The following SCAI variants were observed in gnomAD, a reference collection of about 807,000 sequenced individuals.
The protein encoded by SCAI is suppressor of cancer cell invasion.
A neutral mutation model predicts 92.2 loss-of-function variants in SCAI; 24 were observed. That is an observed-to-expected ratio of 0.26 (90% CI 0.19 to 0.37). The LOEUF is 0.37. SCAI is among the 10% of genes least tolerant of loss of function. SCAI has a pLI of 1.00. For synonymous variants in SCAI, 261 were observed against 258.6 expected (o/e 1.01, Z -0.09); for missense variants, 450 against 736.2 (o/e 0.61, Z 4.50).
chr9:125,014,280 C>A (rs1324068240), intron 9 of SCAI, among the ~76,000 whole-genome samples: 1 of 152,058 alleles, frequency 6.6e-6, no homozygotes, highest in Non-Finnish European at 1.5e-5. Flanking sequence ...TCTAGAAAAC[C>A]CCATTGTCTC....
intron 13 of SCAI, 98 bp from the exon 14 acceptor site, chr9:124,995,113 G>T: frequency 1.3e-6 from 1 of 791,504 alleles, no homozygotes; most frequent in Non-Finnish European, 2.0e-6. Context: ...TTGCATCATA[G>T]CACTGAGAGA....
intron 17 of SCAI, among the ~76,000 whole-genome samples, chr9:124,955,841 C>T (rs1340090098): frequency 4.6e-5 from 7 of 152,126 alleles, no homozygotes; most frequent in African/African-American, 9.7e-5. Context: ...AGATAAATGC[C>T]TTTCAAGGCA....
intron 17 of SCAI, among the ~76,000 whole-genome samples, chr9:124,957,344 GA>G (rs1439057455): frequency 6.6e-6 from 1 of 151,842 alleles, no homozygotes; most frequent in Non-Finnish European, 1.5e-5. Context: ...ACAAGCAACT[GA>G]AAAATGAAAT....
chr9:124,962,732 A>AC (rs1339677692), intron 17 of SCAI, among the ~76,000 whole-genome samples: 1 of 152,140 alleles, frequency 6.6e-6, no homozygotes, highest in African/African-American at 2.4e-5. Context: ...CTTACAGATA[A>AC]CATAAACAGT....
At chr9:125,002,488 G>GTTTTTTTTTTTTTTTTTTTTTTTTTTTT (rs58586769) in intron 11 of SCAI, among the ~76,000 whole-genome samples, 1 of 125,104 alleles carries the variant, frequency 8.0e-6, no homozygotes, top group Admixed American at 8.8e-5. Flanking sequence ...TTTTTAGTCT[G>GTTTTTTTTTTTTTTTTTTTTTTTTTTTT]TTTTTTTTTT....
intron 9 of SCAI, among the ~76,000 whole-genome samples, chr9:125,010,515 A>AGCC (rs1832613666): frequency 6.6e-6 from 1 of 152,238 alleles, no homozygotes; most frequent in Non-Finnish European, 1.5e-5. Context: ...GCTTAGGTAA[A>AGCC]CAAAGCAGCC....
intron 2 of SCAI, among the ~76,000 whole-genome samples, chr9:125,079,326 G>A (rs1461240951): frequency 6.6e-6 from 1 of 151,964 alleles, no homozygotes; most frequent in Non-Finnish European, 1.5e-5. Flanking sequence ...TATATCTTTG[G>A]TTAAATCAAT....
chr9:125,118,839 T>C (rs891690064), intron 2 of SCAI, among the ~76,000 whole-genome samples: 8 of 152,222 alleles, frequency 5.3e-5, no homozygotes, highest in Admixed American at 3.3e-4. Flanking sequence ...CTGAGGATGA[T>C]GGCTTCCAGC....
intron 9 of SCAI, among the ~76,000 whole-genome samples, chr9:125,015,979 A>G (rs1357571323): frequency 2.2e-5 from 3 of 137,036 alleles, no homozygotes; most frequent in African/African-American, 5.5e-5. Flanking sequence ...GAACTGAACA[A>G]TGAGAACACA....
intron 3 of SCAI, among the ~76,000 whole-genome samples, chr9:125,032,192 T>C (rs1234161262): frequency 1.3e-5 from 1 of 74,822 alleles, no homozygotes; most frequent in Admixed American, 1.3e-4. Flanking sequence ...TATATATATA[T>C]ATATTTTTTT....
At chr9:124,972,979 A>T (rs1831689048) in intron 15 of SCAI, among the ~76,000 whole-genome samples, 1 of 152,214 alleles carries the variant, frequency 6.6e-6, no homozygotes, top group Admixed American at 6.5e-5. Context: ...CAAGTTGAGT[A>T]TCCCTTATCC....
At chr9:125,101,125 G>A (rs1211461125) in intron 2 of SCAI, among the ~76,000 whole-genome samples, 4 of 152,182 alleles carry the variant, frequency 2.6e-5, no homozygotes. Context: ...TTGATGAGGA[G>A]GGGAAGAGGT....
At chr9:125,056,144 T>G in intron 2 of SCAI, 137 bp from the exon 3 acceptor site, 1 of 667,182 alleles carries the variant, frequency 1.5e-6, no homozygotes, top group Non-Finnish European at 2.4e-6. Context: ...CACAAAAATA[T>G]AATTTAAGTG....
In SCAI at chr9:125,092,145, A is replaced by T. The variant is rs1292333983; in HGVS notation, c.99-36138T>A. Among the ~76,000 whole-genome samples, 43 of 85,548 alleles carry T rather than the reference A, an allele frequency of 5.0e-4. 1 individual carries two copies. Among genetic ancestry groups the T allele is most frequent in the African/African-American group, 2.5e-3 (38 of 15,138 alleles). The allele number at this position is 85,548 out of a possible 152,430, so 56.1% of individuals were successfully genotyped here. On this transcript the variant is annotated intron_variant, in intron 2 of 17. Transcript: ENST00000336505. ...ACTCCGTCTCTTAAAAAAAAAAAAA[A>T]AAAAAAAAAAAAAAAAAAAAAAATC...
chr9:124,990,189 A>C (rs1165080312), intron 14 of SCAI, among the ~76,000 whole-genome samples: 2 of 151,972 alleles, frequency 1.3e-5, no homozygotes, highest in Non-Finnish European at 2.9e-5. Flanking sequence ...AAGAAAAAAA[A>C]AGAAATACTG....
chr9:124,955,620 CA>C (rs1328672827), intron 17 of SCAI, among the ~76,000 whole-genome samples: 1 of 140,256 alleles, frequency 7.1e-6, no homozygotes, highest in Admixed American at 7.3e-5. Context: ...GACTCTGTCT[CA>C]AAAAAAATTT....
intron 2 of SCAI, among the ~76,000 whole-genome samples, chr9:125,062,836 A>AT (rs1022401007): frequency 6.6e-6 from 1 of 150,478 alleles, no homozygotes; most frequent in Non-Finnish European, 1.5e-5. Flanking sequence ...CCTGGCCAAC[A>AT]TGGTGAAACC....
intron 17 of SCAI, among the ~76,000 whole-genome samples, chr9:124,961,972 C>G (rs552629835): frequency 2.7e-5 from 4 of 150,744 alleles, no homozygotes; most frequent in African/African-American, 9.8e-5. Context: ...GGGAACTTGT[C>G]TGCTGCCTCT....
intron 2 of SCAI, among the ~76,000 whole-genome samples, chr9:125,072,604 T>C (rs192743392): frequency 2.0e-5 from 3 of 152,264 alleles, no homozygotes; most frequent in Admixed American, 2.0e-4. Flanking sequence ...AATACATCCA[T>C]AGCATTGTAT....
Sources: gnomAD v4.1 joint callset for allele counts (sites outside exome capture counted in the v4.1 genomes callset) on GRCh38, gnomAD v4.1.1 for gene constraint, MANE v1.5 for transcripts, NCBI Gene and HGNC (gene_info 2026-07-23, HGNC 2026-07-21) for gene names.